Variants in DNAH17 observed in about 807,000 individuals in gnomAD.
DNAH17 encodes the protein axonemal beta dynein heavy chain 17.
A neutral mutation model predicts 485.6 loss-of-function variants in DNAH17; 376 were observed. That is an observed-to-expected ratio of 0.77 (90% CI 0.71 to 0.84). The LOEUF (loss-of-function observed/expected upper bound fraction) is 0.84. Ranked by LOEUF, DNAH17 falls within the 40% of genes least tolerant of loss-of-function variation. The pLI is 0.00. For synonymous variants in DNAH17, 3,031 were observed against 2,405.9 expected (o/e 1.26, Z -7.60); for missense variants, 6,370 against 5,839.3 (o/e 1.09, Z -2.96).
intron 15 of DNAH17, among the ~76,000 whole-genome samples, chr17:78,551,876 T>C (rs536495066): frequency 1.3e-5 from 2 of 151,168 alleles, no homozygotes; most frequent in African/African-American, 2.4e-5. Flanking sequence ...GGCAGTAGAA[T>C]AGCTTGAACC....
rs1005106108 is a variant in DNAH17 at position 78,544,571 on chromosome 17, G to A, written c.2392-574C>T. 3.3e-5 allele frequency among the ~76,000 whole-genome samples: 5 copies of A among 152,188 alleles called. No homozygotes were observed. The East Asian group carries it at 7.8e-4, about 24-fold the overall frequency. On this transcript the variant is annotated intron_variant, in intron 16 of 80. Transcript: ENST00000389840. ...TAATCCCAGCACTTTGGGAGGCTGA[G>A]GCAGGCGGATCACGAGGTCAGGAGA...
chr17:78,544,608 C>A (rs1021897540), intron 16 of DNAH17, among the ~76,000 whole-genome samples: 1 of 152,000 alleles, frequency 6.6e-6, no homozygotes, highest in African/African-American at 2.4e-5. Context: ...CGAGACCATC[C>A]TGGCTAACAC....
chr17:78,490,347 T>C (rs1252000976), intron 44 of DNAH17, among the ~76,000 whole-genome samples: 1 of 152,094 alleles, frequency 6.6e-6, no homozygotes, highest in Non-Finnish European at 1.5e-5. Context: ...GCTTCTCTGT[T>C]TTCACCCCTT....
chr17:78,435,293 C>A (rs971903074), intron 74 of DNAH17, among the ~76,000 whole-genome samples: 2 of 152,160 alleles, frequency 1.3e-5, no homozygotes, highest in Admixed American at 1.3e-4. Context: ...CCATCCGATC[C>A]GGTGCTTTTC....
intron 26 of DNAH17, among the ~76,000 whole-genome samples, chr17:78,510,869 A>G (rs916244510): frequency 3.3e-5 from 5 of 152,124 alleles, no homozygotes; most frequent in African/African-American, 1.2e-4. Context: ...CCGGTGAGAC[A>G]TAAATCCAGG....
chr17:78,566,995 CT>C lies in DNAH17; in HGVS notation c.1452+3del. 1 of 1,608,340 alleles carries C rather than the reference CT, an allele frequency of 6.2e-7. No individual in the cohort carries two copies. The highest frequency in any genetic ancestry group is 8.5e-7 in the Non-Finnish European group (1 of 1,176,782). ...AGTTCATCCAACCCTGCCCGAGGAC[CT>C]ACCGAGTCTCCAGGGTCCAAGGGAT... On this transcript the variant is annotated splice_donor_region_variant and intron_variant, in intron 10 of 80. Transcript: ENST00000389840.
Position 78,539,782 on chromosome 17 carries a change from G to T in DNAH17, c.2631C>A (p.Phe877Leu). The T allele has an allele frequency of 6.2e-7, 1 of 1,611,742 alleles. No homozygotes were observed. The highest frequency in any genetic ancestry group is 1.1e-5 in the South Asian group (1 of 90,800). The change falls in exon 18 of 81, where the codon TTC (phenylalanine) becomes TTA (leucine). Residue 877 changes from phenylalanine (F) to leucine (L), a missense_variant. By Grantham distance (22) the Phe-to-Leu change is conservative. Transcript: ENST00000389840. The stretch of plus-strand genomic sequence containing the variant: ...TTAGGAAACTCAGAGATTTGCGAAT[G>T]AACTGGTCAAATTCATCTAAGACCA... The part of the protein sequence containing the change: ...DDMVLDEFDQ[F>L]IRKSLSFLMD...
chr17:78,522,078 T>C (rs2090948399), intron 25 of DNAH17, among the ~76,000 whole-genome samples: 1 of 152,200 alleles, frequency 6.6e-6, no homozygotes, highest in South Asian at 2.1e-4. Flanking sequence ...TTACTCGCAA[T>C]CACAACCTGA....
At chr17:78,479,441 A>G in intron 50 of DNAH17, 44 bp downstream of exon 50, 2 of 1,563,730 alleles carry the variant, frequency 1.3e-6, no homozygotes, top group South Asian at 2.3e-5. Flanking sequence ...CCACAGAGCC[A>G]TAGGTTTTAC....
intron 56 of DNAH17, among the ~76,000 whole-genome samples, chr17:78,465,812 G>C (rs926294337): frequency 4.7e-5 from 7 of 149,500 alleles, no homozygotes; most frequent in Non-Finnish European, 1.0e-4. Context: ...GGAGGTGGGG[G>C]GTCAGCCCCC....
At chr17:78,535,690 T>TCC (rs1205111359) in intron 19 of DNAH17, among the ~76,000 whole-genome samples, 1 of 152,118 alleles carries the variant, frequency 6.6e-6, no homozygotes, top group African/African-American at 2.4e-5. Flanking sequence ...CCCTCTCCCC[T>TCC]CCCCTCCTTC....
chr17:78,460,138 C>A, intron 59 of DNAH17, 24 bp downstream of exon 59: 1 of 1,588,324 alleles, frequency 6.3e-7, no homozygotes, highest in South Asian at 1.1e-5. Flanking sequence ...GCCAGGGGTC[C>A]CCTTTCTTTC....
rs575617819 is a variant in DNAH17, at chr17:78,483,737, G to T, written c.7649+1131C>A. On this transcript the variant is annotated intron_variant, in intron 48 of 80. Transcript: ENST00000389840. ...CCATGCCTGCCTTTCTCGGCATGAG[G>T]CCAGGCTTCATGAACGAGCAGACTA... Among the ~76,000 whole-genome samples, 19 of 152,272 alleles carry T rather than the reference G, an allele frequency of 1.2e-4. No homozygotes were observed. In the South Asian group the frequency reaches 3.7e-3, roughly 30 times the overall value.
chr17:78,478,970 T>C (rs2089229786), intron 51 of DNAH17, 55 bp downstream of exon 51: 1 of 1,480,020 alleles, frequency 6.8e-7, no homozygotes, highest in Non-Finnish European at 9.4e-7. Context: ...AAAGCACCTG[T>C]GGATCAGGCA....
chr17:78,484,198 G>A (rs988162365), intron 48 of DNAH17, among the ~76,000 whole-genome samples: 16 of 149,452 alleles, frequency 1.1e-4, no homozygotes, highest in African/African-American at 2.0e-4. Flanking sequence ...TCTCGGTGCC[G>A]TTAGGAGAAA....
Position 78,510,431 on chromosome 17 carries a change from C to T in DNAH17, c.4189G>A (p.Val1397Ile), listed in dbSNP as rs979423310. The change falls in exon 27 of 81, where the codon GTC (valine) becomes ATC (isoleucine). Residue 1397 changes from valine (V) to isoleucine (I), a missense_variant. Transcript: ENST00000389840. ...QLNLHSYEDE[V>I]RNIVDKAVKE... is the part of the protein sequence containing the mutation. ...ACGGCCTTGTCCACGATGTTGCGGA[C>T]CTCATCCTCGTAACTGTGGAGGTTC... The T allele has an allele frequency of 4.3e-6, 7 of 1,613,716 alleles. No individual in the cohort carries two copies. The highest frequency in any genetic ancestry group is 5.9e-6 in the Non-Finnish European group (7 of 1,179,762).
At chr17:78,483,654 TAATAAC>T (rs71161603) in intron 48 of DNAH17, among the ~76,000 whole-genome samples, 113,415 of 151,240 alleles carry the variant, frequency 0.75, 42,631 homozygotes, top group Admixed American at 0.82. Flanking sequence ...ATAATAATAA[TAATAAC>T]CCAGCTCCGC....
intron 58 of DNAH17, among the ~76,000 whole-genome samples, chr17:78,461,149 G>A (rs1166012580): frequency 1.3e-5 from 2 of 152,064 alleles, no homozygotes; most frequent in African/African-American, 4.8e-5. Context: ...CACGTCTGAG[G>A]ACCAGGCTCC....
At position 78,490,869 on chromosome 17, in the gene DNAH17, G is replaced by A. The variant is rs372982666; in HGVS notation, c.6670-22C>T. 7.0e-6 allele frequency: 11 copies of A among 1,576,714 alleles called. No individual in the cohort carries two copies. The East Asian group carries it at 1.2e-4, about 17-fold the overall frequency. On this transcript the variant is annotated intron_variant, in intron 43 of 80. Transcript: ENST00000389840. ...GGACCTAGGAGGGGGACAGCAGCCC[G>A]TGGGGTCCTAAGGCGACACCTGCCA...
Sources: gnomAD v4.1 joint callset for allele counts (sites outside exome capture counted in the v4.1 genomes callset) on GRCh38, gnomAD v4.1.1 for gene constraint, MANE v1.5 for transcripts, NCBI Gene and HGNC (gene_info 2026-07-23, HGNC 2026-07-21) for gene names.